UTP15: variants seen among roughly 807,000 people sequenced by gnomAD.
UTP15 encodes the protein UTP15 small subunit processome component.
Under a neutral mutation model 59.1 loss-of-function variants are expected in UTP15, and 5 were observed. That is an observed-to-expected ratio of 0.08 (90% CI 0.04 to 0.18). The LOEUF is 0.18. Among genes scored for constraint, UTP15 ranks in the 10% least tolerant of loss-of-function variants. The probability of loss-of-function intolerance (pLI) is 1.00; values close to 1 mark genes in which losing one functional copy is unlikely to be tolerated. For missense variants in UTP15, 494 were observed against 616.7 expected, an observed-to-expected ratio of 0.80 and a Z score of 2.11; for synonymous variants, 211 against 212.2, an observed-to-expected ratio of 0.99 and a Z score of 0.05.
rs1220633 is a variant in UTP15, at chr5:73,573,207, C to T, written c.809+583C>T. On this transcript the variant is annotated intron_variant, in intron 7 of 12. Coordinates refer to ENST00000296792, the MANE Select transcript of UTP15 (RefSeq NM_032175.4). ...CTTTCAAATAATGTTATTCTATAAA[C>T]CATCTTTTAAAATCATTATTGTACA... 6.4e-3 allele frequency among the ~76,000 whole-genome samples: 974 copies of T among 152,070 alleles called. 6 individuals carry two copies. Among genetic ancestry groups the T allele is most frequent in the Non-Finnish European group, 0.01 (683 of 68,006 alleles).
At chr5:73,570,355 A>C (rs533057678) in intron 5 of UTP15, among the ~76,000 whole-genome samples, 2 of 152,336 alleles carry the variant, frequency 1.3e-5, no homozygotes, top group East Asian at 3.9e-4. Context: ...AGTCCAAAGA[A>C]AGAAATATTT....
chr5:73,570,748 T>C (rs1050984225), intron 6 of UTP15, 37 bp downstream of exon 6: 2 of 1,605,144 alleles, frequency 1.2e-6, no homozygotes, highest in Non-Finnish European at 1.7e-6. Context: ...ATATTGTTGG[T>C]TTTGAATCAC....
At chr5:73,576,730 C>T (rs2112054853) in intron 7 of UTP15, among the ~76,000 whole-genome samples, 1 of 152,330 alleles carries the variant, frequency 6.6e-6, no homozygotes, top group East Asian at 1.9e-4. Flanking sequence ...ACCTTGGCCT[C>T]CCAAAGTGCT....
chr5:73,572,220 G>C (rs1277797826), intron 6 of UTP15, among the ~76,000 whole-genome samples: 1 of 152,092 alleles, frequency 6.6e-6, no homozygotes, highest in East Asian at 1.9e-4. Context: ...TTCTTAAAAT[G>C]GACTCTTTCA....
At chr5:73,579,256 T>G in intron 11 of UTP15, 61 bp from the exon 12 acceptor site, 1 of 1,591,502 alleles carries the variant, frequency 6.3e-7, no homozygotes, top group Non-Finnish European at 8.6e-7. Context: ...GAAACAAATC[T>G]GTTTTAAGGA....
Position 73,576,935 on chromosome 5 carries a change from C to T in UTP15, c.810-17C>T. On this transcript the variant is annotated splice_polypyrimidine_tract_variant and intron_variant, in intron 7 of 12. Transcript: ENST00000296792. ...GTTTTCAAGGTGATTTTTGACAAAG[C>T]TTTTCCTTTTTATTAGGAAGGTGAA... is the stretch of plus-strand genomic sequence containing the variant. The T allele has an allele frequency of 6.4e-7, 1 of 1,555,734 alleles. No homozygotes were observed. The highest frequency in any genetic ancestry group is 8.7e-7 in the Non-Finnish European group (1 of 1,151,650).
At chr5:73,573,092 G>C (rs867648467) in intron 7 of UTP15, among the ~76,000 whole-genome samples, 1 of 151,894 alleles carries the variant, frequency 6.6e-6, no homozygotes, top group Non-Finnish European at 1.5e-5. Context: ...CACCACACCC[G>C]GCCACCCATA....
rs1002349017 is a variant in UTP15 at position 73,572,359 on chromosome 5, G to A, written c.674-130G>A. 3.4e-6 allele frequency: 4 copies of A among 1,182,544 alleles called. No homozygotes were observed. The East Asian group carries it at 7.1e-5, about 21-fold the overall frequency. 73.3% of individuals were successfully genotyped at this position (1,182,544 alleles called of 1,614,324 possible). On this transcript the variant is annotated intron_variant, in intron 6 of 12. Coordinates refer to ENST00000296792, the MANE Select transcript of UTP15 (RefSeq NM_032175.4). The stretch of plus-strand genomic sequence containing the variant: ...AGTGGTGCATCCAGGATTTTACCAG[G>A]CAGCCTGGCCTGGACTCCCTCACTC...
rs765179081 is a variant in UTP15 at position 73,579,360 on chromosome 5, G to A, written c.1324G>A (p.Ala442Thr). ...PRFAPVLINA[A>T]EIIIDIYLPV... The stretch of plus-strand genomic sequence containing the variant: ...ATTTGCCCCTGTTTTAATCAATGCT[G>A]CTGAAATAATTATTGGTAAGTCATT... Residue 442 changes from alanine to threonine, a missense_variant, in exon 12 of 13, where the codon GCT becomes ACT. Transcript: ENST00000296792. 8.7e-6 allele frequency: 14 copies of A among 1,607,692 alleles called. No individual in the cohort carries two copies. In the East Asian group the frequency reaches 1.6e-4, roughly 18 times the overall value.
At position 73,578,737 on chromosome 5, in the gene UTP15, A is replaced by C. The variant is rs559859238; in HGVS notation, c.1045-14A>C. The C allele has an allele frequency of 6.8e-6, 11 of 1,609,238 alleles. No individual in the cohort carries two copies. The highest frequency in any genetic ancestry group is 9.4e-6 in the Non-Finnish European group (11 of 1,175,826). On this transcript the variant is annotated splice_polypyrimidine_tract_variant and intron_variant, in intron 9 of 12. Coordinates refer to ENST00000296792, the MANE Select transcript of UTP15 (RefSeq NM_032175.4). ...GCTGATTTTCCTTCTCTATAAATGTACTTTTCATTGCAGGATGACATTTTG... is the reference window on the plus strand; with the variant it reads ...GCTGATTTTCCTTCTCTATAAATGTCCTTTTCATTGCAGGATGACATTTTG...
intron 4 of UTP15, 29 bp from the exon 5 acceptor site, chr5:73,569,468 T>C (rs1207939474): frequency 1.2e-5 from 18 of 1,444,768 alleles, no homozygotes; most frequent in Non-Finnish European, 1.5e-5. Flanking sequence ...TTTTCTTGCT[T>C]TTTAATATAC....
chr5:73,579,246 G>A (rs560925785), intron 11 of UTP15, 71 bp from the exon 12 acceptor site: 2 of 1,593,608 alleles, frequency 1.3e-6, no homozygotes, highest in African/African-American at 1.4e-5. Flanking sequence ...GAGAACTGAT[G>A]AAACAAATCT....
At chr5:73,566,664 G>T (rs558779892) in intron 1 of UTP15, among the ~76,000 whole-genome samples, 3 of 152,156 alleles carry the variant, frequency 2.0e-5, no homozygotes, top group African/African-American at 7.2e-5. Context: ...TGGCTTGATT[G>T]CATGTTATTT....
At position 73,569,545 on chromosome 5, in the gene UTP15, T is replaced by C; in HGVS notation, c.417T>C (p.Ser139=). ...CAGCTGACAAATATCACGTGGTCTC[T>C]GGGGCTGATGATTATACAGTTAAAT... The part of the protein sequence containing the change: ...DFTADKYHVV[S]GADDYTVKLW... Residue 139 remains serine, a synonymous_variant, in exon 5 of 13, where the codon TCT becomes TCC. Coordinates refer to ENST00000296792, the MANE Select transcript of UTP15 (RefSeq NM_032175.4). 6.2e-7 allele frequency: 1 copy of C among 1,613,404 alleles called. No homozygotes were observed.
At chr5:73,579,207 A>G (rs1748221420) in intron 11 of UTP15, 57 bp downstream of exon 11, 1 of 1,607,764 alleles carries the variant, frequency 6.2e-7, no homozygotes, top group East Asian at 2.2e-5. Flanking sequence ...TTTATCACCA[A>G]ATAAAAGACA....
chr5:73,570,467 A>AT (rs1747899865), intron 5 of UTP15, 119 bp from the exon 6 acceptor site: 1 of 984,566 alleles, frequency 1.0e-6, no homozygotes, highest in Admixed American at 2.5e-5. Context: ...ATGAATATAC[A>AT]TATATGTCTT....
intron 6 of UTP15, among the ~76,000 whole-genome samples, chr5:73,571,804 A>G (rs567914956): frequency 3.9e-4 from 59 of 152,186 alleles, no homozygotes; most frequent in Non-Finnish European, 7.2e-4. Flanking sequence ...AAAGTTGATA[A>G]TGTCAGATGT....
chr5:73,573,638 G>A (rs1459944830), intron 7 of UTP15, among the ~76,000 whole-genome samples: 2 of 148,938 alleles, frequency 1.3e-5, no homozygotes, highest in African/African-American at 5.0e-5. Context: ...GTGCAGTGGT[G>A]GGATCTCAGC....
intron 7 of UTP15, among the ~76,000 whole-genome samples, chr5:73,576,693 G>A (rs1410202812): frequency 6.6e-6 from 1 of 151,956 alleles, no homozygotes. Context: ...GGCTGGTCTC[G>A]AACTCCTGAC....
Sources: gnomAD v4.1 joint callset for allele counts (sites outside exome capture counted in the v4.1 genomes callset) on GRCh38, gnomAD v4.1.1 for gene constraint, MANE v1.5 for transcripts, NCBI Gene and HGNC (gene_info 2026-07-23, HGNC 2026-07-21) for gene names.